The following CSMD3 variants were observed in gnomAD, a reference collection of about 807,000 sequenced individuals.
The protein encoded by CSMD3 is CUB and Sushi multiple domains 3.
CSMD3 carries 177 observed loss-of-function variants against 435.2 expected under a neutral mutation model. The observed-to-expected ratio is 0.41, with a 90% CI of 0.36 to 0.46. CSMD3 has a LOEUF of 0.46. CSMD3 is among the 20% of genes least tolerant of loss of function. CSMD3 has a pLI of 0.34. For synonymous variants in CSMD3, 1,656 were observed against 1,520.5 expected (o/e 1.09, Z -2.07); for missense variants, 4,265 against 4,504.6 (o/e 0.95, Z 1.52).
At chr8:113,274,971 A>G (rs1231435105) in intron 3 of CSMD3, among the ~76,000 whole-genome samples, 8 of 152,066 alleles carry the variant, frequency 5.3e-5, no homozygotes, top group Admixed American at 5.3e-4. Context: ...CCATAAAAAT[A>G]GCCTTTTTAA....
At chr8:112,962,313 TACTC>T (rs1342208039) in intron 7 of CSMD3, among the ~76,000 whole-genome samples, 1 of 151,942 alleles carries the variant, frequency 6.6e-6, no homozygotes, top group East Asian at 1.9e-4. Flanking sequence ...AATATTTTCT[TACTC>T]ATGATAAAAT....
chr8:112,784,307 A>G (rs1014900208), intron 13 of CSMD3, among the ~76,000 whole-genome samples: 1 of 152,052 alleles, frequency 6.6e-6, no homozygotes, highest in Admixed American at 6.6e-5. Flanking sequence ...AGTTTATAGC[A>G]ATAAGCTCCT....
At chr8:112,978,594 T>C (rs1564172159) in intron 6 of CSMD3, among the ~76,000 whole-genome samples, 1 of 152,004 alleles carries the variant, frequency 6.6e-6, no homozygotes, top group Non-Finnish European at 1.5e-5. Context: ...TGATGAAGAT[T>C]CAGTACTATT....
chr8:112,613,244 A>G (rs1027139688), intron 22 of CSMD3, among the ~76,000 whole-genome samples: 9 of 151,334 alleles, frequency 5.9e-5, no homozygotes, highest in Admixed American at 5.3e-4. Flanking sequence ...CACTGCTCCT[A>G]TTTTCTCCCC....
At chr8:113,299,548 A>G (rs935548874) in intron 2 of CSMD3, among the ~76,000 whole-genome samples, 1 of 152,184 alleles carries the variant, frequency 6.6e-6, no homozygotes, top group African/African-American at 2.4e-5. Context: ...AAGTGGCTAG[A>G]AAAACCAGAA....
At chr8:112,648,160 GTTACCTCAGGAGATC>G (rs1233873247) in intron 19 of CSMD3, among the ~76,000 whole-genome samples, 5 of 152,078 alleles carry the variant, frequency 3.3e-5, no homozygotes, top group Middle Eastern at 3.2e-3. Context: ...TTTCTCCCTT[GTTACCTCAGGAGATC>G]TGGACTAGTT....
At chr8:113,108,426 CAAA>C (rs35981917) in intron 4 of CSMD3, among the ~76,000 whole-genome samples, 1 of 129,816 alleles carries the variant, frequency 7.7e-6, no homozygotes. Context: ...GACGCCATCT[CAAA>C]AAAAAAAAAA....
chr8:112,946,928 AT>A lies in CSMD3; in HGVS notation c.1508+861del, dbSNP rs1230351300. The stretch of plus-strand genomic sequence containing the variant: ...ATTATAGGTCTATATTCTAAGAACT[AT>A]TTTTTTCTTCATAGAGATATTCTTT... On this transcript the variant is annotated intron_variant, in intron 9 of 70. Transcript: ENST00000297405. 4.0e-5 allele frequency among the ~76,000 whole-genome samples: 6 copies of A among 151,600 alleles called. No individual in the cohort carries two copies. The East Asian group carries it at 1.2e-3, about 29-fold the overall frequency.
chr8:112,361,445 T>G, intron 38 of CSMD3, among the ~76,000 whole-genome samples: 1 of 149,870 alleles, frequency 6.7e-6, no homozygotes, highest in East Asian at 1.9e-4. Flanking sequence ...AAACGTATTA[T>G]TTCCAATTCT....
intron 45 of CSMD3, among the ~76,000 whole-genome samples, chr8:112,328,245 T>C (rs2130910430): frequency 6.6e-6 from 1 of 152,308 alleles, no homozygotes; most frequent in East Asian, 1.9e-4. Flanking sequence ...GTTTGGGCAG[T>C]GTTATTTTTA....
At chr8:112,260,812 G>A (rs1816313727) in intron 61 of CSMD3, among the ~76,000 whole-genome samples, 1 of 152,056 alleles carries the variant, frequency 6.6e-6, no homozygotes, top group South Asian at 2.1e-4. Context: ...CAGGTAGAAG[G>A]GTGGGAGGAG....
At chr8:113,090,986 TAGAG>T (rs2089983218) in intron 5 of CSMD3, among the ~76,000 whole-genome samples, 2 of 151,996 alleles carry the variant, frequency 1.3e-5, no homozygotes, top group South Asian at 4.2e-4. Context: ...AAAAAATACA[TAGAG>T]AGAGTTCAAT....
At chr8:113,030,446 G>C (rs200239265) in intron 5 of CSMD3, among the ~76,000 whole-genome samples, 2 of 68,290 alleles carry the variant, frequency 2.9e-5, no homozygotes, top group Non-Finnish European at 6.1e-5. Flanking sequence ...AAAAAAAAAA[G>C]ATAAGCATGT....
At chr8:112,785,038 A>G (rs1587286555) in intron 13 of CSMD3, among the ~76,000 whole-genome samples, 1 of 151,968 alleles carries the variant, frequency 6.6e-6, no homozygotes. Context: ...ACCTAATTCA[A>G]CAATGCATTA....
intron 6 of CSMD3, among the ~76,000 whole-genome samples, chr8:113,006,933 G>C (rs772723459): frequency 3.3e-5 from 5 of 151,940 alleles, no homozygotes; most frequent in Non-Finnish European, 5.9e-5. Context: ...GTCAGGACCA[G>C]AGAACATGTA....
intron 9 of CSMD3, 148 bp from the exon 10 acceptor site, chr8:112,921,899 T>G: frequency 1.5e-6 from 1 of 675,046 alleles, no homozygotes; most frequent in Non-Finnish European, 2.6e-6. Flanking sequence ...GTATGACTTG[T>G]AGAAATGTAA....
At chr8:112,906,643 C>T (rs2082271599) in intron 10 of CSMD3, among the ~76,000 whole-genome samples, 3 of 151,478 alleles carry the variant, frequency 2.0e-5, no homozygotes. Context: ...ATTAGATCTT[C>T]CTTTTCTCAT....
intron 12 of CSMD3, among the ~76,000 whole-genome samples, chr8:112,823,837 C>T (rs1318520924): frequency 2.0e-5 from 3 of 152,116 alleles, no homozygotes; most frequent in Non-Finnish European, 2.9e-5. Flanking sequence ...TCTATTAGGT[C>T]CACTTGATCC....
At chr8:113,378,139 A>G (rs2094397604) in intron 1 of CSMD3, among the ~76,000 whole-genome samples, 1 of 152,204 alleles carries the variant, frequency 6.6e-6, no homozygotes, top group Admixed American at 6.5e-5. Flanking sequence ...CTATAGGCAT[A>G]ACCCTTAGAA....
Sources: allele counts gnomAD v4.1 joint callset (sites outside exome capture counted in the v4.1 genomes callset), GRCh38; gene constraint gnomAD v4.1.1; transcripts MANE v1.5; gene names NCBI Gene and HGNC (gene_info 2026-07-23, HGNC 2026-07-21).